The following SHANK2 variants were observed in gnomAD, a reference collection of about 807,000 sequenced individuals.
SHANK2 encodes SH3 and multiple ankyrin repeat domains protein 2.
In SHANK2, 43 loss-of-function variants were observed where a neutral mutation model predicts 133.7. That is an observed-to-expected ratio of 0.32 (90% CI 0.25 to 0.41). The LOEUF (loss-of-function observed/expected upper bound fraction) is 0.41. Ranked by LOEUF, SHANK2 falls within the 10% of genes least tolerant of loss-of-function variation. The pLI is 1.00. For synonymous variants in SHANK2, 1,017 were observed against 952.8 expected (o/e 1.07, Z -1.24); for missense variants, 1,994 against 2,235.8 (o/e 0.89, Z 2.18).
At chr11:71,200,836 AC>A (rs1954004783) in intron 2 of SHANK2, among the ~76,000 whole-genome samples, 1 of 140,136 alleles carries the variant, frequency 7.1e-6, no homozygotes, top group African/African-American at 2.7e-5. Context: ...ATTAATACAC[AC>A]ACACACACAC....
chr11:70,880,766 T>C (rs557247147), intron 11 of SHANK2, among the ~76,000 whole-genome samples: 10 of 152,238 alleles, frequency 6.6e-5, no homozygotes, highest in African/African-American at 1.7e-4. Context: ...TTTCCCTCCA[T>C]AGAACAAGGA....
intron 10 of SHANK2, chr11:70,948,364 G>C (rs1276116572): frequency 2.2e-6 from 1 of 457,162 alleles, no homozygotes; most frequent in East Asian, 6.9e-5. Context: ...GCACCTAGAA[G>C]ACAGCGTGGC....
At chr11:70,511,022 G>A (rs1377319119) in intron 17 of SHANK2, among the ~76,000 whole-genome samples, 1 of 152,220 alleles carries the variant, frequency 6.6e-6, no homozygotes, top group Non-Finnish European at 1.5e-5. Flanking sequence ...CCAAAAGTAA[G>A]AAACATACCA....
intron 2 of SHANK2, among the ~76,000 whole-genome samples, chr11:71,181,609 G>A (rs1158978788): frequency 6.6e-6 from 1 of 152,134 alleles, no homozygotes; most frequent in Admixed American, 6.5e-5. Flanking sequence ...AGAGGAAAGG[G>A]CAGGTGCTGA....
intron 10 of SHANK2, among the ~76,000 whole-genome samples, chr11:70,934,671 T>C (rs1950547605): frequency 6.6e-6 from 1 of 152,170 alleles, no homozygotes; most frequent in Non-Finnish European, 1.5e-5. Flanking sequence ...GTCCCAATGA[T>C]AAGAGAAAAT....
At chr11:71,069,768 G>A (rs957558415) in intron 9 of SHANK2, among the ~76,000 whole-genome samples, 20 of 152,262 alleles carry the variant, frequency 1.3e-4, no homozygotes, top group East Asian at 3.9e-4. Context: ...TTGAATTACT[G>A]TTCCACTTCC....
intron 14 of SHANK2, among the ~76,000 whole-genome samples, chr11:70,777,557 T>C (rs968316672): frequency 6.7e-6 from 1 of 149,326 alleles, no homozygotes; most frequent in African/African-American, 2.6e-5. Context: ...CCATCAGAAG[T>C]ACTTTCTCAG....
chr11:70,490,314 C>T lies in SHANK2; in HGVS notation c.2513G>A (p.Gly838Asp). 6.2e-7 allele frequency: 1 copy of T among 1,614,208 alleles called. No individual in the cohort carries two copies. The highest frequency in any genetic ancestry group is 8.5e-7 in the Non-Finnish European group (1 of 1,180,020). Residue 838 changes from glycine to aspartate, a missense_variant, in exon 23 of 26, where the codon GGC becomes GAC. Coordinates refer to ENST00000601538, the MANE Select transcript of SHANK2 (RefSeq NM_012309.5). ...CCTTCGCATCGTACCTCGAGGGATG[C>T]CCAGAAACGGGGCTTTTGGGCTCCC... ...VPGSPKAPFL[G>D]IPRGTMRRQK...
intron 10 of SHANK2, among the ~76,000 whole-genome samples, chr11:70,932,149 T>A: frequency 6.6e-6 from 1 of 152,268 alleles, no homozygotes; most frequent in South Asian, 2.1e-4. Context: ...AGACATCTGG[T>A]TCTGGACAAA....
At position 70,626,588 on chromosome 11, in the gene SHANK2, T is replaced by C. The variant is rs1479714784; in HGVS notation, c.2061+33240A>G. Among the ~76,000 whole-genome samples the C allele has an allele frequency of 1.3e-5, 2 of 152,160 alleles. 1 individual carries two copies. The highest frequency in any genetic ancestry group is 2.9e-5 in the Non-Finnish European group (2 of 68,028). ...AGGCAGAGCTCGTCAGTCAGTCTCA[T>C]CTGGTCTAATCCCACAACCGCCGAG... On this transcript the variant is annotated intron_variant, in intron 17 of 25. Coordinates refer to ENST00000601538, the MANE Select transcript of SHANK2 (RefSeq NM_012309.5).
At chr11:70,642,784 G>C (rs2061201920) in intron 17 of SHANK2, among the ~76,000 whole-genome samples, 1 of 152,238 alleles carries the variant, frequency 6.6e-6, no homozygotes, top group African/African-American at 2.4e-5. Flanking sequence ...ATAACGCAGA[G>C]ATGGTCCCTC....
At chr11:71,196,867 G>A (rs987747263) in intron 2 of SHANK2, among the ~76,000 whole-genome samples, 9 of 151,792 alleles carry the variant, frequency 5.9e-5, no homozygotes, top group Non-Finnish European at 1.2e-4. Flanking sequence ...GCATGGTGGC[G>A]GGCGCCTATA....
chr11:70,945,561 C>A (rs564043206), intron 10 of SHANK2, among the ~76,000 whole-genome samples: 4 of 152,200 alleles, frequency 2.6e-5, no homozygotes, highest in Admixed American at 6.5e-5. Context: ...TTTCACACAA[C>A]GGAGCCCAGG....
rs565266608 is a variant in SHANK2 at position 70,628,105 on chromosome 11, G to A, written c.2061+31723C>T. ...CTCCTGAGTAGCTGGGATTACAGGC[G>A]CATGCCACCATGCCCAGCTAATTTT... is the stretch of plus-strand genomic sequence containing the variant. On this transcript the variant is annotated intron_variant, in intron 17 of 25. Coordinates refer to ENST00000601538, the MANE Select transcript of SHANK2 (RefSeq NM_012309.5). Among the ~76,000 whole-genome samples the A allele has an allele frequency of 1.4e-4, 22 of 152,218 alleles. No individual in the cohort carries two copies. In the East Asian group the frequency reaches 4.3e-3, roughly 29 times the overall value.
At chr11:70,526,630 G>C (rs1554972170) in intron 17 of SHANK2, among the ~76,000 whole-genome samples, 1 of 152,210 alleles carries the variant, frequency 6.6e-6, no homozygotes, top group Non-Finnish European at 1.5e-5. Flanking sequence ...TGAAGTGCCT[G>C]CTTCCGGCTT....
At chr11:70,834,585 T>C (rs1948778738) in intron 11 of SHANK2, among the ~76,000 whole-genome samples, 1 of 152,228 alleles carries the variant, frequency 6.6e-6, no homozygotes, top group African/African-American at 2.4e-5. Context: ...GCATCTCTTG[T>C]TTCTTTCCCT....
chr11:70,686,608 A>C (rs1233181059), intron 15 of SHANK2, among the ~76,000 whole-genome samples: 1 of 152,154 alleles, frequency 6.6e-6, no homozygotes, highest in Non-Finnish European at 1.5e-5. Flanking sequence ...GAAGGAGACA[A>C]GTCAGTCAGT....
At chr11:70,832,213 C>T (rs1273247537) in intron 11 of SHANK2, among the ~76,000 whole-genome samples, 27 of 152,192 alleles carry the variant, frequency 1.8e-4, no homozygotes, top group African/African-American at 6.3e-4. Context: ...ACAGTAGTAC[C>T]TGGAGGCAGT....
chr11:70,714,550 G>A (rs1555026842), intron 14 of SHANK2, among the ~76,000 whole-genome samples: 1 of 152,222 alleles, frequency 6.6e-6, no homozygotes, highest in Non-Finnish European at 1.5e-5. Context: ...TGGAGCTGGT[G>A]ATTACATTAA....
Sources: allele counts gnomAD v4.1 joint callset (sites outside exome capture counted in the v4.1 genomes callset), GRCh38; gene constraint gnomAD v4.1.1; transcripts MANE v1.5; gene names NCBI Gene and HGNC (gene_info 2026-07-23, HGNC 2026-07-21).